The following SEM1 variants were observed in gnomAD, a reference collection of about 807,000 sequenced individuals.
SEM1 encodes 26S proteasome complex subunit SEM1.
In SEM1, 3 loss-of-function variants were observed where a neutral mutation model predicts 12.7. The observed-to-expected ratio is 0.24, with a 90% confidence interval of 0.11 to 0.61. SEM1 has a LOEUF of 0.61. Ranked by LOEUF, SEM1 falls within the 20% of genes least tolerant of loss-of-function variation. The pLI, the probability that SEM1 is intolerant of heterozygous loss-of-function variation, is 0.88. For synonymous variants in SEM1, 30 were observed against 27.8 expected, an observed-to-expected ratio of 1.08 and a Z score of -0.25; for missense variants, 59 against 81.3, an observed-to-expected ratio of 0.73 and a Z score of 1.06.
At chr7:96,617,669 T>C (rs1428911629), downstream of SEM1, among the ~76,000 whole-genome samples, 2 of 152,200 alleles carry the variant, frequency 1.3e-5, no homozygotes, top group Middle Eastern at 3.2e-3. Flanking sequence ...ATGTTGGGTA[T>C]GGGTTTGTCA....
At chr7:96,569,435 A>C (rs976450073) in intron 2 of SEM1, among the ~76,000 whole-genome samples, 19 of 152,050 alleles carry the variant, frequency 1.2e-4, no homozygotes, top group African/African-American at 4.6e-4. Context: ...TTTTCCCCAA[A>C]AAGTCTATGT....
intron 2 of SEM1, among the ~76,000 whole-genome samples, chr7:96,655,619 T>C (rs769287832): frequency 1.3e-5 from 2 of 152,036 alleles, no homozygotes; most frequent in African/African-American, 2.4e-5. Context: ...CCAAAAAGTT[T>C]TGACATCTCT....
exon 3 of SEM1, chr7:96,673,485 C>T (rs947716776): frequency 2.3e-5 from 9 of 384,882 alleles, no homozygotes; most frequent in Non-Finnish European, 4.3e-5. Flanking sequence ...GGTCACCCTT[C>T]AAGTAAGCCC....
intron 1 of SEM1, among the ~76,000 whole-genome samples, chr7:96,700,540 G>GA (rs900443356): frequency 6.6e-6 from 1 of 151,978 alleles, no homozygotes; most frequent in Non-Finnish European, 1.5e-5. Flanking sequence ...CCATTTAGTT[G>GA]AAAAAAATCT....
At chr7:96,546,625 C>A (rs1469999089) in intron 2 of SEM1, among the ~76,000 whole-genome samples, 1 of 152,064 alleles carries the variant, frequency 6.6e-6, no homozygotes, top group Non-Finnish European at 1.5e-5. Flanking sequence ...AATTCATCAG[C>A]AATTTCAGGG....
chr7:96,566,741 A>G (rs956286476), intron 2 of SEM1, among the ~76,000 whole-genome samples: 13 of 151,662 alleles, frequency 8.6e-5, no homozygotes, highest in Admixed American at 2.0e-4. Flanking sequence ...AAATTCTCAC[A>G]TAATTTCTTT....
intron 2 of SEM1, among the ~76,000 whole-genome samples, chr7:96,676,936 C>T (rs1789463920): frequency 6.6e-6 from 1 of 152,186 alleles, no homozygotes; most frequent in South Asian, 2.1e-4. Context: ...CTTTAAGACA[C>T]TGATCAAAAT....
chr7:96,565,598 C>T (rs1011254334), intron 2 of SEM1, among the ~76,000 whole-genome samples: 1 of 151,962 alleles, frequency 6.6e-6, no homozygotes, highest in South Asian at 2.1e-4. Flanking sequence ...TATACTCTTA[C>T]CCTCAATTCA....
rs1020703068 is a variant in SEM1 at position 96,697,901 on chromosome 7, T to C, written c.77-3010A>G. On this transcript the variant is annotated intron_variant, in intron 1 of 2. Transcript: ENST00000248566. ...AAAATTTCACTTCTGTAGGTTATCA[T>C]AATGCAAACACCCGTATACCCTGCA... 2.6e-5 allele frequency among the ~76,000 whole-genome samples: 4 copies of C among 152,296 alleles called. No homozygotes were observed. In the South Asian group the frequency reaches 8.3e-4, roughly 32 times the overall value.
chr7:96,628,694 A>G (rs1808151903), intron 2 of SEM1, among the ~76,000 whole-genome samples: 1 of 152,172 alleles, frequency 6.6e-6, no homozygotes, highest in Non-Finnish European at 1.5e-5. Flanking sequence ...TTACAGTGTT[A>G]CAATATTCTT....
At chr7:96,626,763 ATCTG>A (rs1232839979) in intron 2 of SEM1, among the ~76,000 whole-genome samples, 5 of 152,040 alleles carry the variant, frequency 3.3e-5, no homozygotes, top group Non-Finnish European at 5.9e-5. Context: ...TTATTGATGT[ATCTG>A]TCTGATTTTG....
rs59252542 is a variant in SEM1 at position 96,492,585 on chromosome 7, A to ATT, written c.12+3697_12+3698dup. On this transcript the variant is annotated intron_variant, in intron 1 of 3. Coordinates refer to the SEM1 transcript ENST00000356686. The stretch of plus-strand genomic sequence containing the variant: ...CCACCATGCCCGACTAATTTTTTGT[A>ATT]TTTTTTTTTTTTTTTTTTTTTTTTT... Among the ~76,000 whole-genome samples the ATT allele has an allele frequency of 1.0e-3, 83 of 79,676 alleles. 2 individuals are homozygous for ATT. Among genetic ancestry groups the ATT allele is most frequent in the Non-Finnish European group, 1.6e-3 (73 of 44,898 alleles). 52.3% of individuals were successfully genotyped at this position (79,676 alleles called of 152,430 possible). A position where few individuals can be genotyped will look rare whatever the true frequency, so the allele number is the denominator to read the frequency against.
At chr7:96,503,345 G>A (rs994572721) in intron 3 of SEM1, 1 of 152,106 alleles carries the variant, frequency 6.6e-6, no homozygotes, top group Non-Finnish European at 1.5e-5. Flanking sequence ...GCACAGACTT[G>A]AAAGTAAAAA....
At chr7:96,655,418 T>C (rs1343921014) in intron 2 of SEM1, among the ~76,000 whole-genome samples, 1 of 151,924 alleles carries the variant, frequency 6.6e-6, no homozygotes, top group African/African-American at 2.4e-5. Context: ...TAAAGTATAT[T>C]TGACATAAAA....
At chr7:96,572,764 T>C (rs1257091451) in intron 2 of SEM1, among the ~76,000 whole-genome samples, 1 of 152,176 alleles carries the variant, frequency 6.6e-6, no homozygotes, top group Non-Finnish European at 1.5e-5. Context: ...CTCTGTTGAT[T>C]TGGGTTGGAG....
chr7:96,641,353 G>T (rs1808586028), intron 2 of SEM1, among the ~76,000 whole-genome samples: 1 of 151,144 alleles, frequency 6.6e-6, no homozygotes, highest in African/African-American at 2.4e-5. Flanking sequence ...AATTATTTTT[G>T]CTTTAATATT....
chr7:96,658,557 A>G (rs1321374950), intron 2 of SEM1, among the ~76,000 whole-genome samples: 1 of 152,240 alleles, frequency 6.6e-6, no homozygotes, highest in East Asian at 1.9e-4. Flanking sequence ...ATCTGTGCAT[A>G]GGAGCCATGC....
At chr7:96,694,622 CAA>C (rs1790032820) in intron 2 of SEM1, among the ~76,000 whole-genome samples, 174 bp downstream of exon 2, 1 of 152,090 alleles carries the variant, frequency 6.6e-6, no homozygotes, top group Non-Finnish European at 1.5e-5. Flanking sequence ...TGCAATTACA[CAA>C]AGTGTTCATG....
chr7:96,505,792 C>A (rs185907236), intron 3 of SEM1, among the ~76,000 whole-genome samples: 300 of 152,138 alleles, frequency 2.0e-3, no homozygotes, highest in South Asian at 6.0e-3. Flanking sequence ...GGCTTCTTAA[C>A]CTAACCACCT....
Sources: allele counts gnomAD v4.1 joint callset (sites outside exome capture counted in the v4.1 genomes callset), GRCh38; gene constraint gnomAD v4.1.1; transcripts MANE v1.5; gene names NCBI Gene and HGNC (gene_info 2026-07-23, HGNC 2026-07-21).